DNAH9: variants seen among roughly 807,000 people sequenced by gnomAD.
DNAH9 encodes DNAH9 variant protein.
A neutral mutation model predicts 471.6 loss-of-function variants in DNAH9; 345 were observed. That is an observed-to-expected ratio of 0.73 (90% CI 0.67 to 0.80). The LOEUF (loss-of-function observed/expected upper bound fraction) is 0.80. Among genes scored for constraint, DNAH9 ranks in the 30% least tolerant of loss-of-function variants. The probability of loss-of-function intolerance (pLI) is 0.00; values close to 1 mark genes in which losing one functional copy is unlikely to be tolerated. For missense variants in DNAH9, 5,407 were observed against 5,609.2 expected (o/e 0.96, Z 1.15); for synonymous variants, 2,093 against 2,123.6 (o/e 0.99, Z 0.40).
rs2277657 is a variant in DNAH9 at position 11,763,357 on chromosome 17, T to C, written c.6996-83T>C. On this transcript the variant is annotated intron_variant, in intron 35 of 68. Coordinates refer to ENST00000262442, the MANE Select transcript of DNAH9 (RefSeq NM_001372.4). ...TGACGGACCATGAGTCCACTGAAAC[T>C]GAGTGGTTCCATAGCTGTCCAACAG... 658,606 of 1,243,836 alleles carry C rather than the reference T, an allele frequency of 0.53. 176,451 individuals carry two copies. The highest frequency in any genetic ancestry group is 0.62 in the East Asian group (26,248 of 42,658). The allele number at this position is 1,243,836 out of a possible 1,614,324, so 77.0% of individuals were successfully genotyped here.
chr17:11,948,662 A>G (rs1288196555), intron 67 of DNAH9, among the ~76,000 whole-genome samples: 2 of 152,142 alleles, frequency 1.3e-5, no homozygotes, highest in Non-Finnish European at 2.9e-5. Flanking sequence ...TTGGCCTTCC[A>G]GTACTCTACC....
intron 28 of DNAH9, among the ~76,000 whole-genome samples, chr17:11,730,852 G>A (rs950139656): frequency 6.6e-6 from 1 of 151,848 alleles, no homozygotes; most frequent in Non-Finnish European, 1.5e-5. Flanking sequence ...GATGATGGCG[G>A]TGGTAGTGGT....
chr17:11,898,490 G>C (rs1193693159), intron 59 of DNAH9, among the ~76,000 whole-genome samples: 1 of 152,152 alleles, frequency 6.6e-6, no homozygotes, highest in Non-Finnish European at 1.5e-5. Flanking sequence ...TTTGTGACTT[G>C]ATTACATCTA....
intron 67 of DNAH9, among the ~76,000 whole-genome samples, chr17:11,943,658 C>CA (rs1217292683): frequency 6.6e-6 from 1 of 152,024 alleles, no homozygotes; most frequent in Non-Finnish European, 1.5e-5. Context: ...GCCTGGGTGA[C>CA]AGAGCAAGAC....
intron 45 of DNAH9, among the ~76,000 whole-genome samples, chr17:11,815,341 A>G (rs992695553): frequency 6.6e-6 from 1 of 151,858 alleles, no homozygotes; most frequent in Non-Finnish European, 1.5e-5. Context: ...CCCCTTATCT[A>G]TTTCTGAATC....
At chr17:11,705,801 C>T in intron 26 of DNAH9, among the ~76,000 whole-genome samples, 1 of 152,128 alleles carries the variant, frequency 6.6e-6, no homozygotes, top group African/African-American at 2.4e-5. Context: ...CTGACTTGAT[C>T]ATTACATTCT....
chr17:11,781,229 C>A, intron 39 of DNAH9, 55 bp downstream of exon 39: 4 of 1,555,318 alleles, frequency 2.6e-6, no homozygotes, highest in Non-Finnish European at 3.5e-6. Flanking sequence ...TAAGGCAGGG[C>A]TGAAGGCCAG....
chr17:11,895,753 A>T (rs1428422517), intron 59 of DNAH9, among the ~76,000 whole-genome samples: 2 of 152,200 alleles, frequency 1.3e-5, no homozygotes. Context: ...ATTTGCTGTC[A>T]TCTCAAGGAT....
At chr17:11,950,990 T>C (rs1975341904) in intron 67 of DNAH9, among the ~76,000 whole-genome samples, 1 of 152,198 alleles carries the variant, frequency 6.6e-6, no homozygotes, top group African/African-American at 2.4e-5. Flanking sequence ...AGTCACGTTA[T>C]CGGGTGACTC....
intron 61 of DNAH9, among the ~76,000 whole-genome samples, chr17:11,907,615 G>C (rs1450486432): frequency 6.6e-6 from 1 of 152,088 alleles, no homozygotes. Context: ...CAGAATGGCT[G>C]GGAGGCTTAG....
intron 57 of DNAH9, among the ~76,000 whole-genome samples, chr17:11,890,902 G>A (rs1048595447): frequency 3.9e-5 from 6 of 152,080 alleles, no homozygotes; most frequent in East Asian, 3.9e-4. Context: ...GCCCAGGCTC[G>A]TTTTGAACTC....
chr17:11,704,554 TG>T (rs1282846403), intron 25 of DNAH9, 112 bp downstream of exon 25: 2 of 962,414 alleles, frequency 2.1e-6, no homozygotes, highest in Non-Finnish European at 3.0e-6. Flanking sequence ...ACCAGACAGC[TG>T]GGGGAGGATC....
intron 38 of DNAH9, among the ~76,000 whole-genome samples, chr17:11,774,534 A>G (rs1458651708): frequency 6.6e-6 from 1 of 152,122 alleles, no homozygotes. Flanking sequence ...GTGTGGGGGA[A>G]CTGCCATTTA....
At chr17:11,883,035 T>G in intron 55 of DNAH9, 1 of 986,216 alleles carries the variant, frequency 1.0e-6, no homozygotes, top group Non-Finnish European at 1.2e-6. Context: ...CTTTAGGATA[T>G]GGAGCATAAA....
intron 68 of DNAH9, among the ~76,000 whole-genome samples, chr17:11,965,926 G>GAA (rs34425777): frequency 6.6e-6 from 1 of 151,752 alleles, no homozygotes; most frequent in Non-Finnish European, 1.5e-5. Context: ...CCCGTTAGAA[G>GAA]AAAAAAATGA....
intron 49 of DNAH9, among the ~76,000 whole-genome samples, chr17:11,843,889 A>ATATATATATATATG (rs1339573331): frequency 2.0e-4 from 28 of 137,220 alleles, no homozygotes; most frequent in African/African-American, 6.7e-4. Flanking sequence ...ATATATATAT[A>ATATATATATATATG]TACACATAGA....
rs149671142 is a variant in DNAH9, at chr17:11,690,044, C to G, written c.4222C>G (p.Leu1408Val). The G allele has an allele frequency of 6.2e-7, 1 of 1,614,196 alleles. No homozygotes were observed. Among genetic ancestry groups the G allele is most frequent in the Non-Finnish European group, 8.5e-7 (1 of 1,180,034 alleles). ...GGACCAGGACACCACCCTAGCGCACCTGCTGCAGCTCCAGCTGCACCACTA... is the reference window on the plus strand; with the variant it reads ...GGACCAGGACACCACCCTAGCGCACGTGCTGCAGCTCCAGCTGCACCACTA... ...TMDQDTTLAH[L>V]LQLQLHHYED... is the part of the protein sequence containing the mutation. The change falls in exon 20 of 69, where the codon CTG becomes GTG. Residue 1408 changes from leucine to valine, a missense_variant. By Grantham distance (32) the Leu-to-Val change is conservative. Coordinates refer to ENST00000262442, the MANE Select transcript of DNAH9 (RefSeq NM_001372.4).
rs763711161 is a variant in DNAH9 at position 11,699,818 on chromosome 17, C to T, written c.4960C>T (p.Leu1654Phe). 6.2e-7 allele frequency: 1 copy of T among 1,614,176 alleles called. No homozygotes were observed. The highest frequency in any genetic ancestry group is 1.7e-5 in the Admixed American group (1 of 60,028). Residue 1654 changes from leucine (L) to phenylalanine (F), a missense_variant, in exon 23 of 69, where the codon CTC becomes TTC. Physicochemically the swap from Leu to Phe is conservative, Grantham distance 22. Coordinates refer to ENST00000262442, the MANE Select transcript of DNAH9 (RefSeq NM_001372.4). The part of the protein sequence containing the change: ...DASGEPTKTS[L>F]GMYSKEEEYV... ...CAGTGGGGAACCAACCAAGACAAGC[C>T]TCGGCATGTACAGCAAAGAAGAGGA...
At chr17:11,694,296 G>A (rs770160443) in intron 21 of DNAH9, 25 bp from the exon 22 acceptor site, 1 of 1,613,290 alleles carries the variant, frequency 6.2e-7, no homozygotes. Context: ...TCTTAACTGG[G>A]AAATTCTATG....
Sources: gnomAD v4.1 joint callset for allele counts (sites outside exome capture counted in the v4.1 genomes callset) on GRCh38, gnomAD v4.1.1 for gene constraint, MANE v1.5 for transcripts, NCBI Gene and HGNC (gene_info 2026-07-23, HGNC 2026-07-21) for gene names.